The following IQCJ variants were observed in gnomAD, a reference collection of about 807,000 sequenced individuals.
The protein encoded by IQCJ is IQ motif containing J.
Under a neutral mutation model 11.0 loss-of-function variants are expected in IQCJ, and 9 were observed. The observed-to-expected ratio is 0.82, with a 90% CI of 0.49 to 1.43. The LOEUF (loss-of-function observed/expected upper bound fraction) is 1.43, where lower values mean the gene tolerates loss of function less well. Ranked by LOEUF, IQCJ falls within the 40% of genes most tolerant of loss-of-function variation. The pLI, the probability that IQCJ is intolerant of heterozygous loss-of-function variation, is 0.00. For missense variants in IQCJ, 146 were observed against 133.2 expected, an observed-to-expected ratio of 1.10 and a Z score of -0.47; for synonymous variants, 55 against 51.3, an observed-to-expected ratio of 1.07 and a Z score of -0.31.
intron 1 of IQCJ, among the ~76,000 whole-genome samples, chr3:159,146,541 G>A (rs1378248740): frequency 2.6e-5 from 4 of 152,134 alleles, no homozygotes; most frequent in Non-Finnish European, 5.9e-5. Context: ...CATAGATGGT[G>A]AGGGGCAAGA....
intron 1 of IQCJ, among the ~76,000 whole-genome samples, chr3:159,102,330 T>C (rs1410548886): frequency 6.6e-6 from 1 of 152,226 alleles, no homozygotes; most frequent in Admixed American, 6.5e-5. Context: ...ATTATCCTTC[T>C]AAGCACCTAA....
chr3:159,152,179 G>C (rs918616412), intron 1 of IQCJ, among the ~76,000 whole-genome samples: 1 of 152,174 alleles, frequency 6.6e-6, no homozygotes, highest in African/African-American at 2.4e-5. Flanking sequence ...TGGCCATCAA[G>C]TAGGTCCCCA....
chr3:159,259,731 A>G (rs535045568), intron 3 of IQCJ, among the ~76,000 whole-genome samples: 12 of 152,302 alleles, frequency 7.9e-5, no homozygotes, highest in African/African-American at 2.9e-4. Context: ...TCATTAAAAA[A>G]CAATGTAGCA....
chr3:159,228,004 G>A (rs1192359773), intron 1 of IQCJ, among the ~76,000 whole-genome samples: 1 of 152,146 alleles, frequency 6.6e-6, no homozygotes, highest in African/African-American at 2.4e-5. Context: ...TGCACTGCAG[G>A]GTTAGCACCA....
rs1264902624 is a variant in IQCJ at position 159,132,927 on chromosome 3, TCTTTCTTTG to T, written c.9+63495_9+63503del. ...CTCATGCTTGCTTTCTTGCTTGCTT[TCTTTCTTTG>T]CTTTCTTTTCTTTCTTCCTTTCTTT... is the stretch of plus-strand genomic sequence containing the variant. On this transcript the variant is annotated intron_variant, in intron 1 of 3. Coordinates refer to ENST00000397832, the MANE Select transcript of IQCJ (RefSeq NM_001042706.3). 1.5e-4 allele frequency among the ~76,000 whole-genome samples: 19 copies of T among 123,056 alleles called. No homozygotes were observed. In the South Asian group the frequency reaches 5.9e-3, roughly 38 times the overall value. The allele number at this position is 123,056 out of a possible 152,430, so 80.7% of individuals were successfully genotyped here.
chr3:159,263,889 A>G (rs1455389198), downstream of IQCJ: 2 of 902,124 alleles, frequency 2.2e-6, no homozygotes, highest in Non-Finnish European at 2.7e-6. Flanking sequence ...ACAATTATTT[A>G]GGGGAATGGC....
intron 1 of IQCJ, among the ~76,000 whole-genome samples, chr3:159,159,022 C>T (rs1721689762): frequency 6.6e-6 from 1 of 152,102 alleles, no homozygotes. Context: ...GGCAGGAGAG[C>T]CACATGGGAA....
intron 1 of IQCJ, among the ~76,000 whole-genome samples, chr3:159,242,173 A>T (rs1187295193): frequency 6.6e-6 from 1 of 152,180 alleles, no homozygotes; most frequent in East Asian, 1.9e-4. Flanking sequence ...GGTGGCAGGA[A>T]ATGAGGTCAG....
chr3:159,166,046 A>C (rs1241428411), intron 1 of IQCJ, among the ~76,000 whole-genome samples: 2 of 151,860 alleles, frequency 1.3e-5, no homozygotes, highest in East Asian at 3.8e-4. Context: ...TCTGATTTTC[A>C]AAGAAATAAT....
intron 1 of IQCJ, among the ~76,000 whole-genome samples, chr3:159,163,357 T>G (rs954292105): frequency 5.9e-5 from 9 of 152,086 alleles, no homozygotes; most frequent in African/African-American, 1.4e-4. Flanking sequence ...GAAAAGGCCT[T>G]TGACAAAATT....
chr3:159,174,836 CAT>C (rs1267728903), intron 1 of IQCJ, among the ~76,000 whole-genome samples: 1 of 151,722 alleles, frequency 6.6e-6, no homozygotes, highest in Non-Finnish European at 1.5e-5. Context: ...AATGATAATG[CAT>C]ATGTCATACA....
Position 159,158,553 on chromosome 3 carries a change from A to C in IQCJ, c.10-87290A>C, listed in dbSNP as rs75516065. ...CATTATGATTAGTACAATGCCAGCT[A>C]TATTTGTCTGCAGGAGCTTTTAACC... On this transcript the variant is annotated intron_variant, in intron 1 of 3. Coordinates refer to ENST00000397832, the MANE Select transcript of IQCJ (RefSeq NM_001042706.3). 8.2e-4 allele frequency among the ~76,000 whole-genome samples: 125 copies of C among 152,336 alleles called. 1 individual carries two copies. The East Asian group carries it at 0.019, about 23-fold the overall frequency.
chr3:159,091,692 A>G (rs1446574208), intron 1 of IQCJ, among the ~76,000 whole-genome samples: 4 of 150,486 alleles, frequency 2.7e-5, no homozygotes, highest in African/African-American at 9.9e-5. Context: ...ACACACACAC[A>G]CACACACACA....
chr3:159,089,254 C>T (rs575766947), intron 1 of IQCJ, among the ~76,000 whole-genome samples: 1 of 152,162 alleles, frequency 6.6e-6, no homozygotes, highest in Non-Finnish European at 1.5e-5. Flanking sequence ...GGCCCCCACT[C>T]TCTTCTGGCT....
At chr3:159,259,745 T>A (rs966039752) in intron 3 of IQCJ, among the ~76,000 whole-genome samples, 1 of 152,218 alleles carries the variant, frequency 6.6e-6, no homozygotes, top group Non-Finnish European at 1.5e-5. Flanking sequence ...TGTAGCAATT[T>A]TGGGTAATAG....
chr3:159,123,790 G>A (rs1566549), intron 1 of IQCJ, among the ~76,000 whole-genome samples: 42,836 of 152,068 alleles, frequency 0.28, 7,163 homozygotes, highest in Non-Finnish European at 0.39. Flanking sequence ...GAAGATAGAG[G>A]TTGCCTGTCT....
chr3:159,151,926 A>G (rs535636775), intron 1 of IQCJ, among the ~76,000 whole-genome samples: 79 of 152,278 alleles, frequency 5.2e-4, no homozygotes, highest in African/African-American at 1.2e-3. Context: ...GAGCCATCAC[A>G]CCCAGCTCAG....
chr3:159,226,442 C>T (rs1725857538), intron 1 of IQCJ, among the ~76,000 whole-genome samples: 1 of 152,202 alleles, frequency 6.6e-6, no homozygotes, highest in African/African-American at 2.4e-5. Flanking sequence ...CTTATCACCC[C>T]TATCACTCAG....
At chr3:159,135,152 T>C (rs1419804791) in intron 1 of IQCJ, among the ~76,000 whole-genome samples, 2 of 152,226 alleles carry the variant, frequency 1.3e-5, no homozygotes, top group Non-Finnish European at 2.9e-5. Context: ...CTTTCAACCA[T>C]AGTTTCTCCT....
Sources: gnomAD v4.1 joint callset for allele counts (sites outside exome capture counted in the v4.1 genomes callset) on GRCh38, gnomAD v4.1.1 for gene constraint, MANE v1.5 for transcripts, NCBI Gene and HGNC (gene_info 2026-07-23, HGNC 2026-07-21) for gene names.